Variants in CORO2B observed in about 807,000 individuals in gnomAD.
The protein encoded by CORO2B is coronin 2B.
A neutral mutation model predicts 58.8 loss-of-function variants in CORO2B; 26 were observed. That is an observed-to-expected ratio of 0.44 (90% confidence interval 0.32 to 0.61). The LOEUF (loss-of-function observed/expected upper bound fraction) is 0.61, where lower values mean the gene tolerates loss of function less well. CORO2B is among the 20% of genes least tolerant of loss of function. CORO2B has a pLI of 0.04. For missense variants in CORO2B, 460 were observed against 645.1 expected, an observed-to-expected ratio of 0.71 and a Z score of 3.11; for synonymous variants, 242 against 253.8, an observed-to-expected ratio of 0.95 and a Z score of 0.44.
the CORO2B span, among the ~76,000 whole-genome samples, chr15:68,523,964 GC>G: frequency 6.6e-6 from 1 of 152,126 alleles, no homozygotes; most frequent in East Asian, 1.9e-4. Flanking sequence ...AGTGGCTCAT[GC>G]TTACAATCCA....
At chr15:68,700,764 C>G (rs1373282709) in intron 3 of CORO2B, among the ~76,000 whole-genome samples, 1 of 152,042 alleles carries the variant, frequency 6.6e-6, no homozygotes, top group Non-Finnish European at 1.5e-5. Flanking sequence ...GGTTTCCAAG[C>G]CTCGTGCTCC....
At chr15:68,625,414 C>T (rs1900649175) in intron 1 of CORO2B, among the ~76,000 whole-genome samples, 1 of 152,126 alleles carries the variant, frequency 6.6e-6, no homozygotes, top group Non-Finnish European at 1.5e-5. Flanking sequence ...ATCTCCACTG[C>T]CTCCTGAAAT....
rs375976206 is a variant in CORO2B at position 68,710,752 on chromosome 15, C to G, written c.354C>G (p.Pro118=). The change falls in exon 4 of 12, where the codon CCC becomes CCG. Residue 118 remains proline (P), a synonymous_variant. Coordinates refer to ENST00000261861, the MANE Select transcript of CORO2B (RefSeq NM_006091.5). This position sits in a 1 kb window ranked among gnomAD's most constrained non-coding sequence, Gnocchi z 4.1. Reference sequence around the variant, plus strand: ...TGCAGGTGCGGATCTGGGAGATCCCCGAGGGCGGGCTGAAGCGGAACATGA... The same window carrying G: ...TGCAGGTGCGGATCTGGGAGATCCCGGAGGGCGGGCTGAAGCGGAACATGA... ...EDTSVRIWEI[P]EGGLKRNMTE... 3 of 1,609,308 alleles carry G rather than the reference C, an allele frequency of 1.9e-6. No individual in the cohort carries two copies. Among genetic ancestry groups the G allele is most frequent in the Non-Finnish European group, 2.5e-6 (3 of 1,177,714 alleles).
At chr15:68,720,266 T>G (rs976431126) in intron 11 of CORO2B, among the ~76,000 whole-genome samples, 2 of 152,180 alleles carry the variant, frequency 1.3e-5, no homozygotes, top group South Asian at 2.1e-4. Context: ...GTCCATTTCC[T>G]TGTGGTAAAA....
intron 1 of CORO2B, among the ~76,000 whole-genome samples, chr15:68,633,269 C>T (rs1227391724): frequency 3.3e-5 from 5 of 152,068 alleles, no homozygotes; most frequent in Non-Finnish European, 5.9e-5. Flanking sequence ...CAGATCCCAG[C>T]AAGACTCCTC....
At chr15:68,576,008 T>A (rs1899276815), upstream of CORO2B, among the ~76,000 whole-genome samples, 2 of 150,900 alleles carry the variant, frequency 1.3e-5, no homozygotes, top group South Asian at 4.2e-4. Flanking sequence ...CAAAAATTAG[T>A]CAGGTGGGGT....
chr15:68,608,550 A>C (rs890859818), intron 1 of CORO2B, among the ~76,000 whole-genome samples: 8 of 152,028 alleles, frequency 5.3e-5, no homozygotes, highest in African/African-American at 1.9e-4. Flanking sequence ...GTGTTGGGGG[A>C]CATTCTGTTT....
At chr15:68,689,328 C>G (rs958835301) in intron 2 of CORO2B, among the ~76,000 whole-genome samples, 1 of 151,918 alleles carries the variant, frequency 6.6e-6, no homozygotes, top group Non-Finnish European at 1.5e-5. Flanking sequence ...CCTGGACCTC[C>G]GAGAACCCTA....
chr15:68,654,173 C>T (rs1901730449), intron 2 of CORO2B, among the ~76,000 whole-genome samples: 1 of 152,202 alleles, frequency 6.6e-6, no homozygotes, highest in East Asian at 1.9e-4. Flanking sequence ...AGAATGGCTG[C>T]TGATTTTTGA....
At chr15:68,595,124 CA>C (rs1899794734) in intron 1 of CORO2B, among the ~76,000 whole-genome samples, 2 of 152,368 alleles carry the variant, frequency 1.3e-5, no homozygotes, top group African/African-American at 4.8e-5. Flanking sequence ...CCCAACTCTG[CA>C]GCATTCGAGG....
At chr15:68,638,298 GAGA>G (rs769707291) in intron 1 of CORO2B, among the ~76,000 whole-genome samples, 1 of 152,130 alleles carries the variant, frequency 6.6e-6, no homozygotes, top group African/African-American at 2.4e-5. Flanking sequence ...TCCCTCACAG[GAGA>G]AGGAGAGAGG....
At chr15:68,597,075 A>G (rs778686435) in intron 1 of CORO2B, among the ~76,000 whole-genome samples, 9 of 151,750 alleles carry the variant, frequency 5.9e-5, no homozygotes, top group Non-Finnish European at 1.3e-4. Context: ...AGAAGCATAT[A>G]TATCTTTTTT....
chr15:68,561,405 C>T, the CORO2B span, among the ~76,000 whole-genome samples: 1 of 152,166 alleles, frequency 6.6e-6, no homozygotes. Flanking sequence ...TGCCCTCACC[C>T]CCAGCCCCAC....
the CORO2B span, among the ~76,000 whole-genome samples, chr15:68,545,465 T>C: frequency 6.6e-6 from 1 of 152,122 alleles, no homozygotes; most frequent in Non-Finnish European, 1.5e-5. Flanking sequence ...GGTTGCTTGC[T>C]ACATTTTAAA....
chr15:68,591,601 T>A (rs1899709511), intron 1 of CORO2B, among the ~76,000 whole-genome samples: 1 of 152,174 alleles, frequency 6.6e-6, no homozygotes. Flanking sequence ...GAGTGGACAT[T>A]CTCAAAGCCT....
At chr15:68,647,060 C>A (rs1901456277) in intron 2 of CORO2B, among the ~76,000 whole-genome samples, 4 of 152,194 alleles carry the variant, frequency 2.6e-5, no homozygotes, top group Admixed American at 2.6e-4. Flanking sequence ...CAAGGGTCAA[C>A]AAGCAATACC....
chr15:68,554,839 C>T, the CORO2B span, among the ~76,000 whole-genome samples: 1 of 152,174 alleles, frequency 6.6e-6, no homozygotes, highest in Non-Finnish European at 1.5e-5. Flanking sequence ...CAGGAAGAGG[C>T]CCCCAGGGTG....
chr15:68,631,896 T>C (rs1900842612), intron 1 of CORO2B: 1 of 971,664 alleles, frequency 1.0e-6, no homozygotes, highest in Non-Finnish European at 1.2e-6. Context: ...TCAGTGTAAA[T>C]AGGCTGCTGG....
At position 68,581,785 on chromosome 15, in the gene CORO2B, G is replaced by T. The variant is rs78505843; in HGVS notation, c.15+2508G>T. Among the ~76,000 whole-genome samples, 180 of 152,290 alleles carry T rather than the reference G, an allele frequency of 1.2e-3. 1 individual carries two copies. In the East Asian group the frequency reaches 0.018, roughly 15 times the overall value. The stretch of plus-strand genomic sequence containing the variant: ...GATCGCTGCTGACACACTGGGAGCG[G>T]TAGGTAGGGGAGGAAATGGGTTCGA... On this transcript the variant is annotated intron_variant, in intron 1 of 11. Transcript: ENST00000261861.
Sources: gnomAD v4.1 joint callset for allele counts (sites outside exome capture counted in the v4.1 genomes callset) on GRCh38, gnomAD v4.1.1 for gene constraint, Gnocchi (gnomAD v3.1) non-coding constraint, MANE v1.5 for transcripts, NCBI Gene and HGNC (gene_info 2026-07-23, HGNC 2026-07-21) for gene names.